The following DENND6A variants were observed in gnomAD, a reference collection of about 807,000 sequenced individuals.
DENND6A encodes the protein DENN domain containing 6A, also known as protein DENND6A.
A neutral mutation model predicts 95.5 loss-of-function variants in DENND6A; 43 were observed. That is an observed-to-expected ratio of 0.45 (90% CI 0.35 to 0.58). The LOEUF (loss-of-function observed/expected upper bound fraction) is 0.58. Ranked by LOEUF, DENND6A falls within the 20% of genes least tolerant of loss-of-function variation. DENND6A has a pLI of 0.00. For synonymous variants in DENND6A, 257 were observed against 260.4 expected, an observed-to-expected ratio of 0.99 and a Z score of 0.13; for missense variants, 574 against 736.0, an observed-to-expected ratio of 0.78 and a Z score of 2.55.
At chr3:57,636,675 G>A (rs561825907) in intron 12 of DENND6A, among the ~76,000 whole-genome samples, 7 of 152,234 alleles carry the variant, frequency 4.6e-5, no homozygotes, top group South Asian at 4.2e-4. Context: ...GGTGGCTCAC[G>A]CCTGTAATCT....
intron 1 of DENND6A, among the ~76,000 whole-genome samples, chr3:57,675,846 T>C (rs1051879225): frequency 6.6e-6 from 1 of 152,158 alleles, no homozygotes; most frequent in African/African-American, 2.4e-5. Context: ...CACTATACAT[T>C]AGTCACAGAA....
rs1322420708 is a variant in DENND6A, at chr3:57,692,800, C to G, written c.219G>C (p.Glu73Asp). Residue 73 changes from glutamate (E) to aspartate (D), a missense_variant, in exon 1 of 20, where the codon GAG (glutamate) becomes GAC (aspartate). Physicochemically the swap from Glu to Asp is conservative, Grantham distance 45. This residue lies in a region of DENND6A where 122 missense variants were observed against 105.1 expected (regional missense o/e 1.16). Transcript: ENST00000311128. ...GCCTCACCTCCACGGCCTGGCCCAG[C>G]TCCAGGTCGAAGCCCACCACACACA... ...HCVCVVGFDLELGQAVEVIYP... is the reference protein window; with the variant it reads ...HCVCVVGFDLDLGQAVEVIYP... 3 of 1,554,124 alleles carry G rather than the reference C, an allele frequency of 1.9e-6. No individual in the cohort carries two copies. The highest frequency in any genetic ancestry group is 1.7e-6 in the Non-Finnish European group (2 of 1,154,844).
intron 1 of DENND6A, among the ~76,000 whole-genome samples, chr3:57,676,790 G>C (rs1204799033): frequency 6.6e-6 from 1 of 152,120 alleles, no homozygotes; most frequent in South Asian, 2.1e-4. Context: ...CTTTAATTCT[G>C]AGCTATAGCT....
chr3:57,646,849 T>A (rs2071089955), intron 9 of DENND6A, among the ~76,000 whole-genome samples: 1 of 152,180 alleles, frequency 6.6e-6, no homozygotes, highest in Admixed American at 6.5e-5. Flanking sequence ...ATACTTAACT[T>A]AAAACCCAAT....
At position 57,684,469 on chromosome 3, in the gene DENND6A, A is replaced by G. The variant is rs1016824602; in HGVS notation, c.237+8313T>C. Among the ~76,000 whole-genome samples, 6 of 152,204 alleles carry G rather than the reference A, an allele frequency of 3.9e-5. No individual in the cohort carries two copies. In the East Asian group the frequency reaches 1.2e-3, roughly 30 times the overall value. On this transcript the variant is annotated intron_variant, in intron 1 of 19. Transcript: ENST00000311128. ...CAAAGCGAGACTCTGTTTCAAGAAAAGAGTCTAAAGCCAGGCATGGTGGCT... is the reference window on the plus strand; with the variant it reads ...CAAAGCGAGACTCTGTTTCAAGAAAGGAGTCTAAAGCCAGGCATGGTGGCT...
At chr3:57,683,918 G>C (rs1332772952) in intron 1 of DENND6A, among the ~76,000 whole-genome samples, 14 of 152,050 alleles carry the variant, frequency 9.2e-5, no homozygotes, top group Admixed American at 9.2e-4. Context: ...ACTTTGGGAG[G>C]CCGCAGCGGG....
intron 8 of DENND6A, among the ~76,000 whole-genome samples, chr3:57,658,422 A>G (rs1225412862): frequency 6.6e-6 from 1 of 152,120 alleles, no homozygotes; most frequent in Non-Finnish European, 1.5e-5. Context: ...CTAGCTACTT[A>G]GGAGGCTGAG....
chr3:57,658,811 G>A (rs1159509666), intron 8 of DENND6A, among the ~76,000 whole-genome samples: 1 of 152,104 alleles, frequency 6.6e-6, no homozygotes, highest in African/African-American at 2.4e-5. Context: ...TCAGAAGTCT[G>A]CTGGTCACTC....
chr3:57,668,008 G>C (rs1320964504), intron 3 of DENND6A, among the ~76,000 whole-genome samples: 1 of 151,812 alleles, frequency 6.6e-6, no homozygotes, highest in Non-Finnish European at 1.5e-5. Flanking sequence ...AGAGGTTGCA[G>C]TGAGCCGAGA....
chr3:57,653,628 C>A (rs1328679689), intron 9 of DENND6A, among the ~76,000 whole-genome samples: 2 of 151,724 alleles, frequency 1.3e-5, no homozygotes, highest in Non-Finnish European at 2.9e-5. Flanking sequence ...AGCCTGTAGT[C>A]CCAGCTACTC....
chr3:57,638,819 C>G, intron 12 of DENND6A, among the ~76,000 whole-genome samples: 1 of 151,940 alleles, frequency 6.6e-6, no homozygotes, highest in East Asian at 1.9e-4. Context: ...TGAAAAATAA[C>G]AGGCCAGGTG....
intron 1 of DENND6A, among the ~76,000 whole-genome samples, chr3:57,678,032 A>G (rs2071742439): frequency 6.6e-6 from 1 of 152,194 alleles, no homozygotes; most frequent in East Asian, 1.9e-4. Context: ...TCACTAACTC[A>G]TCACAATATC....
intron 1 of DENND6A, among the ~76,000 whole-genome samples, chr3:57,673,457 C>T (rs530020194): frequency 3.3e-5 from 5 of 151,826 alleles, no homozygotes; most frequent in Admixed American, 1.3e-4. Context: ...GAATAAAGAA[C>T]GGTTAAGGGC....
intron 1 of DENND6A, among the ~76,000 whole-genome samples, chr3:57,686,058 G>A (rs547480847): frequency 6.6e-6 from 1 of 152,288 alleles, no homozygotes; most frequent in East Asian, 1.9e-4. Flanking sequence ...ATCCTCATAT[G>A]TAACAAATGC....
Position 57,679,605 on chromosome 3 carries a change from T to A in DENND6A, c.238-7167A>T, listed in dbSNP as rs928774284. On this transcript the variant is annotated intron_variant, in intron 1 of 19. Transcript: ENST00000311128. ...AAACCATGTTTTGGTCCTAATTAGA[T>A]GTGTCCTTGTGGGAAATCATTAGCC... The A allele has an allele frequency of 6.2e-6, 6 of 973,612 alleles. No homozygotes were observed. In the African/African-American group the frequency reaches 1.1e-4, roughly 17 times the overall value. 60.3% of individuals were successfully genotyped at this position (973,612 alleles called of 1,614,324 possible).
intron 9 of DENND6A, among the ~76,000 whole-genome samples, chr3:57,654,108 C>T (rs1163731660): frequency 1.3e-4 from 19 of 149,900 alleles, no homozygotes; most frequent in South Asian, 2.1e-4. Context: ...CCACCACGCC[C>T]GGCTAATTTT....
At chr3:57,688,120 C>T (rs1345980283) in intron 1 of DENND6A, among the ~76,000 whole-genome samples, 2 of 151,910 alleles carry the variant, frequency 1.3e-5, no homozygotes, top group South Asian at 2.1e-4. Context: ...CTCAGCCTCC[C>T]GAGTAGCTGG....
At position 57,640,268 on chromosome 3, in the gene DENND6A, C is replaced by CA. The variant is rs780202917; in HGVS notation, c.1132+1384dup. On this transcript the variant is annotated intron_variant, in intron 12 of 19. Coordinates refer to ENST00000311128, the MANE Select transcript of DENND6A (RefSeq NM_152678.3). Reference sequence around the variant, plus strand: ...TGGGTGACAGAGTGAGACTCTGTCTCAAAAAAAAAAAACAAAAAAAAACAA... The same window carrying CA: ...TGGGTGACAGAGTGAGACTCTGTCTCAAAAAAAAAAAAACAAAAAAAAACAA... Among the ~76,000 whole-genome samples the CA allele has an allele frequency of 6.9e-3, 664 of 96,898 alleles. 4 individuals are homozygous for CA. Among genetic ancestry groups the CA allele is most frequent in the African/African-American group, 0.02 (502 of 25,350 alleles). The allele number at this position is 96,898 out of a possible 152,430, so 63.6% of individuals were successfully genotyped here.
In DENND6A at chr3:57,678,277, C is replaced by T. The variant is rs796438581; in HGVS notation, c.238-5839G>A. On this transcript the variant is annotated intron_variant, in intron 1 of 19. Coordinates refer to ENST00000311128, the MANE Select transcript of DENND6A (RefSeq NM_152678.3). ...TTATCAGAAATCAATAGGAGATTCT[C>T]CCAGCACATAAATGCCTTGATAAAC... Among the ~76,000 whole-genome samples, 4 of 152,162 alleles carry T rather than the reference C, an allele frequency of 2.6e-5. No individual in the cohort carries two copies. In the East Asian group the frequency reaches 5.8e-4, roughly 22 times the overall value.
Sources: gnomAD v4.1 joint callset for allele counts (sites outside exome capture counted in the v4.1 genomes callset) on GRCh38, gnomAD v4.1.1 for gene constraint, gnomAD v4.1.1 regional missense constraint, MANE v1.5 for transcripts, NCBI Gene and HGNC (gene_info 2026-07-23, HGNC 2026-07-21) for gene names.